GPR158: variants seen among roughly 807,000 people sequenced by gnomAD.
GPR158 encodes G protein-coupled receptor 158.
A neutral mutation model predicts 78.2 loss-of-function variants in GPR158; 30 were observed. The ratio of observed to expected loss-of-function variants is 0.38; its 90% CI spans 0.29 to 0.52. The LOEUF is 0.52. Ranked by LOEUF, GPR158 falls within the 20% of genes least tolerant of loss-of-function variation. GPR158 has a pLI of 0.83. For synonymous variants in GPR158, 581 were observed against 591.1 expected (o/e 0.98, Z 0.25); for missense variants, 1,463 against 1,523.5 (o/e 0.96, Z 0.66).
At chr10:25,356,622 G>A (rs35898125) in intron 2 of GPR158, among the ~76,000 whole-genome samples, 15,109 of 152,000 alleles carry the variant, frequency 0.099, 1,843 homozygotes, top group African/African-American at 0.3. Context: ...CCCTACACAA[G>A]CTCCTTTTGC....
chr10:25,499,246 A>G (rs1295210455), intron 5 of GPR158, among the ~76,000 whole-genome samples: 1 of 152,264 alleles, frequency 6.6e-6, no homozygotes, highest in Admixed American at 6.5e-5. Context: ...AGAGTCTGGA[A>G]GAATTTCATT....
At chr10:25,377,291 A>C (rs189119915) in intron 2 of GPR158, among the ~76,000 whole-genome samples, 44 of 151,880 alleles carry the variant, frequency 2.9e-4, no homozygotes, top group African/African-American at 1.0e-3. Context: ...GCATGCCATC[A>C]TGTATGTTTG....
chr10:25,203,196 T>G (rs1277727359), intron 1 of GPR158, among the ~76,000 whole-genome samples: 1 of 152,232 alleles, frequency 6.6e-6, no homozygotes, highest in Non-Finnish European at 1.5e-5. Context: ...ACTCCCATTC[T>G]GTAGGTTGCC....
chr10:25,316,496 G>A (rs1409668790), intron 2 of GPR158, among the ~76,000 whole-genome samples: 1 of 152,154 alleles, frequency 6.6e-6, no homozygotes, highest in Non-Finnish European at 1.5e-5. Flanking sequence ...ACCTACTATT[G>A]CATTGTGTGA....
chr10:25,310,580 G>T (rs1394316840), intron 2 of GPR158, among the ~76,000 whole-genome samples: 2 of 151,936 alleles, frequency 1.3e-5, no homozygotes, highest in Non-Finnish European at 2.9e-5. Context: ...ATGTGTTGTG[G>T]TTTTTATTAT....
chr10:25,185,666 A>C (rs1852674039), intron 1 of GPR158, among the ~76,000 whole-genome samples: 1 of 152,148 alleles, frequency 6.6e-6, no homozygotes, highest in African/African-American at 2.4e-5. Flanking sequence ...TACTAAAAAT[A>C]CAAAAAATTA....
At chr10:25,373,213 G>C (rs10828789) in intron 2 of GPR158, among the ~76,000 whole-genome samples, 97,895 of 151,684 alleles carry the variant, frequency 0.65, 32,553 homozygotes, top group Non-Finnish European at 0.73. Context: ...ACTGCATATT[G>C]TCGTTTATAA....
intron 4 of GPR158, among the ~76,000 whole-genome samples, chr10:25,428,109 G>A (rs1834848803): frequency 6.6e-6 from 1 of 151,956 alleles, no homozygotes; most frequent in South Asian, 2.1e-4. Flanking sequence ...ATGAAGAAAT[G>A]GATTTGTAGA....
intron 2 of GPR158, among the ~76,000 whole-genome samples, chr10:25,346,897 G>A (rs955155476): frequency 6.6e-6 from 1 of 151,986 alleles, no homozygotes; most frequent in Non-Finnish European, 1.5e-5. Flanking sequence ...GGAGTCAGAT[G>A]TATCCAAGTT....
intron 5 of GPR158, among the ~76,000 whole-genome samples, chr10:25,510,959 G>T (rs1836076796): frequency 6.6e-6 from 1 of 152,134 alleles, no homozygotes; most frequent in Non-Finnish European, 1.5e-5. Context: ...ATGGGCATAT[G>T]GGCAGGTTCC....
chr10:25,350,435 GCTAT>G (rs1216528012), intron 2 of GPR158, among the ~76,000 whole-genome samples: 4 of 151,886 alleles, frequency 2.6e-5, no homozygotes, highest in Non-Finnish European at 5.9e-5. Context: ...CTTCTGAATT[GCTAT>G]CTTTCTTTCA....
intron 2 of GPR158, among the ~76,000 whole-genome samples, chr10:25,224,499 C>T (rs935982816): frequency 4.0e-5 from 6 of 151,090 alleles, no homozygotes; most frequent in Admixed American, 3.3e-4. Flanking sequence ...AATTATATTA[C>T]TTTGTTAAAA....
At chr10:25,503,162 A>G (rs1054169413) in intron 5 of GPR158, among the ~76,000 whole-genome samples, 3 of 151,714 alleles carry the variant, frequency 2.0e-5, no homozygotes, top group African/African-American at 7.3e-5. Flanking sequence ...CCAGGAATTC[A>G]GGAGCTCGTG....
intron 2 of GPR158, among the ~76,000 whole-genome samples, chr10:25,288,144 C>T (rs1291653207): frequency 1.3e-5 from 2 of 152,200 alleles, no homozygotes; most frequent in Non-Finnish European, 2.9e-5. Flanking sequence ...ATTTAATTCT[C>T]ACAACTTTTA....
chr10:25,522,159 A>G (rs535796888), intron 5 of GPR158, among the ~76,000 whole-genome samples: 20 of 152,220 alleles, frequency 1.3e-4, no homozygotes, highest in African/African-American at 4.1e-4. Flanking sequence ...GCTTCTTACT[A>G]TGTAAGTTAA....
chr10:25,570,805 T>C (rs943493914), intron 6 of GPR158, among the ~76,000 whole-genome samples: 4 of 152,080 alleles, frequency 2.6e-5, no homozygotes, highest in African/African-American at 9.7e-5. Flanking sequence ...TAGTCCCACC[T>C]ACTTGGGAGG....
At chr10:25,200,872 T>TGG (rs1486589934) in intron 1 of GPR158, among the ~76,000 whole-genome samples, 2 of 148,514 alleles carry the variant, frequency 1.3e-5, no homozygotes, top group Non-Finnish European at 3.0e-5. Flanking sequence ...TGTTTTGTTT[T>TGG]TTTTTTTTTT....
At chr10:25,379,943 C>T (rs1172806276) in intron 2 of GPR158, among the ~76,000 whole-genome samples, 1 of 147,142 alleles carries the variant, frequency 6.8e-6, no homozygotes, top group African/African-American at 2.5e-5. Flanking sequence ...TTCACATAAG[C>T]TTTCTTATGC....
chr10:25,359,098 C>T (rs1253868555), intron 2 of GPR158, among the ~76,000 whole-genome samples: 5 of 151,722 alleles, frequency 3.3e-5, no homozygotes, highest in South Asian at 2.1e-4. Flanking sequence ...TTTTATTTCT[C>T]TGCAATTTTG....
Sources: gnomAD v4.1 joint callset for allele counts (sites outside exome capture counted in the v4.1 genomes callset) on GRCh38, gnomAD v4.1.1 for gene constraint, MANE v1.5 for transcripts, NCBI Gene and HGNC (gene_info 2026-07-23, HGNC 2026-07-21) for gene names.